The following GMDS variants were observed in gnomAD, a reference collection of about 807,000 sequenced individuals.
GMDS encodes GDP-mannose 4,6 dehydratase.
In GMDS, 20 loss-of-function variants were observed where a neutral mutation model predicts 49.9. That is an observed-to-expected ratio of 0.40 (90% CI 0.28 to 0.58). The LOEUF (loss-of-function observed/expected upper bound fraction) is 0.58, where lower values mean the gene tolerates loss of function less well. Among genes scored for constraint, GMDS ranks in the 20% least tolerant of loss-of-function variants. GMDS has a pLI of 0.42. For missense variants in GMDS, 362 were observed against 481.4 expected (o/e 0.75, Z 2.32); for synonymous variants, 177 against 178.6 (o/e 0.99, Z 0.07).
At chr6:1,700,059 A>T (rs1765488685) in intron 9 of GMDS, among the ~76,000 whole-genome samples, 1 of 152,214 alleles carries the variant, frequency 6.6e-6, no homozygotes, top group Admixed American at 6.5e-5. Flanking sequence ...TTTCTATAGA[A>T]GAACCACCCC....
chr6:2,059,175 CAAAAAAAAAAAAAAAAAA>C (rs55832305), intron 4 of GMDS, among the ~76,000 whole-genome samples: 2 of 30,004 alleles, frequency 6.7e-5, no homozygotes, highest in African/African-American at 2.6e-4. Context: ...TCCTCTGTCT[CAAAAAAAAAAAAAAAAAA>C]AAAAAAAAAA....
intron 9 of GMDS, among the ~76,000 whole-genome samples, chr6:1,708,008 A>C (rs2113383175): frequency 6.6e-6 from 1 of 152,328 alleles, no homozygotes; most frequent in Middle Eastern, 3.4e-3. Context: ...ATGCGTTATT[A>C]AACATTTTCT....
intron 7 of GMDS, among the ~76,000 whole-genome samples, chr6:1,760,481 A>C (rs1226998108): frequency 6.6e-6 from 1 of 152,174 alleles, no homozygotes; most frequent in Non-Finnish European, 1.5e-5. Flanking sequence ...AACACAGAGG[A>C]GACAACCCAG....
intron 4 of GMDS, among the ~76,000 whole-genome samples, chr6:2,066,871 C>A (rs1311921081): frequency 6.6e-6 from 1 of 151,782 alleles, no homozygotes; most frequent in African/African-American, 2.4e-5. Context: ...AGAAAGTCAA[C>A]AAGGATACCC....
intron 1 of GMDS, among the ~76,000 whole-genome samples, chr6:2,126,325 T>A (rs972360435): frequency 2.6e-5 from 4 of 152,180 alleles, no homozygotes; most frequent in Non-Finnish European, 4.4e-5. Context: ...GAAATTCGTG[T>A]CCTCAGAAGT....
chr6:1,905,185 G>A (rs1237157650), intron 7 of GMDS, among the ~76,000 whole-genome samples: 1 of 152,252 alleles, frequency 6.6e-6, no homozygotes, highest in African/African-American at 2.4e-5. Flanking sequence ...GTGAGGTCCA[G>A]GGGAAAGCCT....
At chr6:2,066,330 C>T (rs916916613) in intron 4 of GMDS, among the ~76,000 whole-genome samples, 1 of 142,870 alleles carries the variant, frequency 7.0e-6, no homozygotes, top group Non-Finnish European at 1.5e-5. Flanking sequence ...AATGTAAAGA[C>T]CATTGAGACT....
At chr6:2,087,088 T>C (rs1464913553) in intron 4 of GMDS, among the ~76,000 whole-genome samples, 2 of 152,186 alleles carry the variant, frequency 1.3e-5, no homozygotes, top group African/African-American at 4.8e-5. Flanking sequence ...TAAGGGCCTT[T>C]CCACTCCCAC....
intron 4 of GMDS, among the ~76,000 whole-genome samples, chr6:2,098,776 T>A (rs1488954317): frequency 1.3e-5 from 2 of 152,174 alleles, no homozygotes; most frequent in African/African-American, 4.8e-5. Flanking sequence ...AAATGGAATC[T>A]GGATGGCTTT....
At chr6:2,185,650 T>C (rs1778746078) in intron 1 of GMDS, among the ~76,000 whole-genome samples, 1 of 152,168 alleles carries the variant, frequency 6.6e-6, no homozygotes, top group African/African-American at 2.4e-5. Flanking sequence ...CACCCACATG[T>C]CTCAGATGAG....
chr6:2,230,941 A>ACCCC (rs56658390), intron 1 of GMDS, among the ~76,000 whole-genome samples: 3 of 18,666 alleles, frequency 1.6e-4, no homozygotes, highest in African/African-American at 4.8e-4. Flanking sequence ...CCCCCCTCCC[A>ACCCC]CCCCCCCCCC....
intron 4 of GMDS, among the ~76,000 whole-genome samples, chr6:2,096,834 CAT>C (rs1215560629): frequency 2.6e-5 from 4 of 152,114 alleles, no homozygotes; most frequent in Non-Finnish European, 5.9e-5. Flanking sequence ...ACAATGAACA[CAT>C]GACTTTATAT....
chr6:1,758,889 A>G (rs1768055044), intron 7 of GMDS, among the ~76,000 whole-genome samples: 1 of 152,180 alleles, frequency 6.6e-6, no homozygotes, highest in Non-Finnish European at 1.5e-5. Flanking sequence ...TTTTCTCAAA[A>G]AATAATAATA....
intron 9 of GMDS, among the ~76,000 whole-genome samples, chr6:1,707,284 G>A (rs536294248): frequency 5.3e-5 from 8 of 152,308 alleles, no homozygotes; most frequent in Non-Finnish European, 1.2e-4. Flanking sequence ...ATAAGGTTTT[G>A]AGGTCAAAAT....
chr6:1,742,656 A>G (rs913462017), intron 7 of GMDS, 70 bp from the exon 8 acceptor site: 4 of 803,786 alleles, frequency 5.0e-6, no homozygotes, highest in Non-Finnish European at 8.7e-6. Context: ...TCCAGTGCAC[A>G]TAATCAGATA....
chr6:1,717,905 C>T (rs1325070897), intron 9 of GMDS, among the ~76,000 whole-genome samples: 1 of 152,138 alleles, frequency 6.6e-6, no homozygotes, highest in Non-Finnish European at 1.5e-5. Context: ...TGGGTCTCTG[C>T]TTGCCCCCTG....
At chr6:1,849,822 T>C (rs1303803618) in intron 7 of GMDS, among the ~76,000 whole-genome samples, 1 of 152,154 alleles carries the variant, frequency 6.6e-6, no homozygotes, top group Non-Finnish European at 1.5e-5. Context: ...CCATCAATAT[T>C]ATGGTGACAC....
At chr6:2,006,531 A>G (rs1767189357) in intron 4 of GMDS, among the ~76,000 whole-genome samples, 2 of 152,172 alleles carry the variant, frequency 1.3e-5, no homozygotes, top group South Asian at 4.1e-4. Flanking sequence ...GCTCATAATT[A>G]CTATGCATTT....
intron 4 of GMDS, among the ~76,000 whole-genome samples, chr6:1,969,358 A>G (rs1250482051): frequency 6.6e-6 from 1 of 151,170 alleles, no homozygotes; most frequent in East Asian, 1.9e-4. Context: ...TGTAAATGTT[A>G]ATAGAACTAT....
Sources: allele counts gnomAD v4.1 joint callset (sites outside exome capture counted in the v4.1 genomes callset), GRCh38; gene constraint gnomAD v4.1.1; transcripts MANE v1.5; gene names NCBI Gene and HGNC (gene_info 2026-07-23, HGNC 2026-07-21).